ZC3H12B: variants seen among roughly 807,000 people sequenced by gnomAD.
ZC3H12B encodes the protein zinc finger CCCH-type containing 12B.
Under a neutral mutation model 43.9 loss-of-function variants are expected in ZC3H12B, and 7 were observed. The observed-to-expected ratio is 0.16, with a 90% CI of 0.09 to 0.30. The LOEUF (loss-of-function observed/expected upper bound fraction) is 0.30. Ranked by LOEUF, ZC3H12B falls within the 10% of genes least tolerant of loss-of-function variation. The probability of loss-of-function intolerance (pLI) is 1.00; values close to 1 mark genes in which losing one functional copy is unlikely to be tolerated. For missense variants in ZC3H12B, 475 were observed against 670.2 expected, an observed-to-expected ratio of 0.71 and a Z score of 3.22; for synonymous variants, 222 against 241.7, an observed-to-expected ratio of 0.92 and a Z score of 0.76.
At chrX:65,173,672 G>C in the ZC3H12B span, among the ~76,000 whole-genome samples, 3 of 111,861 alleles carry the variant, frequency 2.7e-5, no homozygotes, top group Middle Eastern at 4.7e-3. Context: ...TGCATCTATT[G>C]AGATAATCAT....
the ZC3H12B span, among the ~76,000 whole-genome samples, chrX:65,190,177 A>G: frequency 9.0e-6 from 1 of 110,617 alleles, no homozygotes; most frequent in Non-Finnish European, 1.9e-5. Flanking sequence ...TGGTACCAGT[A>G]CCATGCTGTT....
the ZC3H12B span, among the ~76,000 whole-genome samples, chrX:65,344,010 A>T: frequency 8.9e-6 from 1 of 112,352 alleles, no homozygotes; most frequent in Admixed American, 9.4e-5. Context: ...GATGTAAAAA[A>T]TAACTAGAAT....
chrX:65,057,907 C>G, the ZC3H12B span, among the ~76,000 whole-genome samples: 3 of 112,164 alleles, frequency 2.7e-5, no homozygotes, highest in African/African-American at 9.7e-5. Flanking sequence ...CATTTCCTAG[C>G]TGTCGTGCCA....
chrX:65,164,591 C>T, the ZC3H12B span, among the ~76,000 whole-genome samples: 5 of 111,644 alleles, frequency 4.5e-5, no homozygotes, highest in Non-Finnish European at 9.4e-5. Flanking sequence ...CAAAGTTGAA[C>T]AAATTAAATG....
the ZC3H12B span, among the ~76,000 whole-genome samples, chrX:65,154,268 T>G: frequency 9.0e-6 from 1 of 111,548 alleles, no homozygotes; most frequent in South Asian, 3.7e-4. Context: ...AAAAAAATTT[T>G]CTCATGCCGT....
At chrX:65,479,855 G>C (rs940102071) in intron 3 of ZC3H12B, among the ~76,000 whole-genome samples, 4 of 112,489 alleles carry the variant, frequency 3.6e-5, no homozygotes, top group Non-Finnish European at 5.6e-5. Context: ...CCAGAGCATA[G>C]GGGCTCAAGG....
chrX:65,108,660 G>A, the ZC3H12B span, among the ~76,000 whole-genome samples: 1 of 109,719 alleles, frequency 9.1e-6, no homozygotes, highest in African/African-American at 3.3e-5. Context: ...AAACTAAGTA[G>A]AAAGTGTATA....
the ZC3H12B span, among the ~76,000 whole-genome samples, chrX:65,042,125 T>C: frequency 8.9e-6 from 1 of 112,711 alleles, no homozygotes; most frequent in African/African-American, 3.2e-5. Flanking sequence ...AACTCATTGC[T>C]CTTTACTTAC....
At chrX:65,123,883 C>CT in the ZC3H12B span, among the ~76,000 whole-genome samples, 2 of 110,089 alleles carry the variant, frequency 1.8e-5, no homozygotes, top group African/African-American at 6.6e-5. Flanking sequence ...GAGCTAGGAG[C>CT]TTTTTGGATG....
At chrX:65,100,390 A>C in the ZC3H12B span, among the ~76,000 whole-genome samples, 3 of 107,605 alleles carry the variant, frequency 2.8e-5, no homozygotes, top group South Asian at 1.2e-3. Flanking sequence ...AGAAGACACC[A>C]CTAAGATACT....
the ZC3H12B span, among the ~76,000 whole-genome samples, chrX:65,170,229 G>T: frequency 6.5e-4 from 73 of 111,517 alleles, no homozygotes; most frequent in Middle Eastern, 4.6e-3. Flanking sequence ...GGCAGGCCCG[G>T]TGGTGACAAA....
the ZC3H12B span, among the ~76,000 whole-genome samples, chrX:65,319,875 C>T: frequency 1.8e-5 from 2 of 111,272 alleles, no homozygotes; most frequent in Non-Finnish European, 3.8e-5. Flanking sequence ...AACATCTCTT[C>T]GTGTTAAATA....
chrX:65,253,542 C>T, the ZC3H12B span, among the ~76,000 whole-genome samples: 1 of 112,007 alleles, frequency 8.9e-6, no homozygotes, highest in South Asian at 3.7e-4. Context: ...CCATGCTCCC[C>T]TAGGACACTT....
At chrX:65,430,748 G>C (rs912089320) in intron 3 of ZC3H12B, among the ~76,000 whole-genome samples, 7 of 110,149 alleles carry the variant, frequency 6.4e-5, no homozygotes, top group African/African-American at 2.3e-4. Context: ...TATCATTGAT[G>C]GACATTTGGG....
rs755156936 is a variant in ZC3H12B, at chrX:65,374,642, TGTATTAGTCCACTCTCGCACTGCTATA to T, written n.295+5645_295+5671del. Among the ~76,000 whole-genome samples, 5 of 110,564 alleles carry T rather than the reference TGTATTAGTCCACTCTCGCACTGCTATA, an allele frequency of 4.5e-5. No homozygotes were observed. In the South Asian group the frequency reaches 1.9e-3, roughly 43 times the overall value. On this transcript the variant is annotated intron_variant and non_coding_transcript_variant, in intron 2 of 5. Transcript: ENST00000617377. ...AACTTTATATCACTGAAATAGGCAC[TGTATTAGTCCACTCTCGCACTGCTATA>T]AAGAACTGCCCGATACTGGGTAATT...
intron 3 of ZC3H12B, among the ~76,000 whole-genome samples, chrX:65,453,644 C>A (rs1319950478): frequency 9.3e-6 from 1 of 107,635 alleles, no homozygotes; most frequent in Non-Finnish European, 1.9e-5. Context: ...ATTGTTTGAA[C>A]ACAGGAGGCA....
chrX:65,349,377 A>T, the ZC3H12B span, among the ~76,000 whole-genome samples: 5 of 112,192 alleles, frequency 4.5e-5, no homozygotes, highest in Non-Finnish European at 9.4e-5. Context: ...GTGTAGAGGG[A>T]AGTTTATAGC....
intron 3 of ZC3H12B, among the ~76,000 whole-genome samples, chrX:65,448,455 T>C (rs1379880935): frequency 6.3e-5 from 7 of 111,956 alleles, no homozygotes. Context: ...TGTATGTTTA[T>C]CACAGCACAA....
chrX:65,395,207 C>T (rs775360073), intron 2 of ZC3H12B, among the ~76,000 whole-genome samples: 9 of 111,642 alleles, frequency 8.1e-5, no homozygotes, highest in Middle Eastern at 4.2e-3. Context: ...ATTTCTTTCT[C>T]TTGCCTGATT....
Sources: allele counts gnomAD v4.1 joint callset (sites outside exome capture counted in the v4.1 genomes callset), GRCh38; gene constraint gnomAD v4.1.1; transcripts MANE v1.5; gene names NCBI Gene and HGNC (gene_info 2026-07-23, HGNC 2026-07-21).